The following RREB1 variants were observed in gnomAD, a reference collection of about 807,000 sequenced individuals.
RREB1 encodes ras-responsive element-binding protein 1.
RREB1 carries 27 observed loss-of-function variants against 117.8 expected under a neutral mutation model. That is an observed-to-expected ratio of 0.23 (90% CI 0.17 to 0.32). RREB1 has a LOEUF of 0.32. RREB1 is among the 10% of genes least tolerant of loss of function. The pLI, the probability that RREB1 is intolerant of heterozygous loss-of-function variation, is 1.00. For missense variants in RREB1, 2,577 were observed against 2,378.2 expected (o/e 1.08, Z -1.74); for synonymous variants, 1,298 against 1,026.7 (o/e 1.26, Z -5.05).
chr6:7,108,120 C>T (rs1760916115), intron 1 of RREB1, 60 bp downstream of exon 1: 7 of 152,274 alleles, frequency 4.6e-5, no homozygotes, highest in Admixed American at 4.6e-4. Flanking sequence ...AAGTCTGGGG[C>T]ACAGCCGGAG....
At position 7,182,606 on chromosome 6, in the gene RREB1, T is replaced by C. The variant is rs144704468; in HGVS notation, c.171+524T>C. On this transcript the variant is annotated intron_variant, in intron 4 of 12. Coordinates refer to ENST00000379938, the MANE Select transcript of RREB1 (RefSeq NM_001003699.4). Reference sequence around the variant, plus strand: ...AACAGGGTAAAGTAAATAGGTGGAATTGAGAAGGGTTAATGCTGTTACAAA... The same window carrying C: ...AACAGGGTAAAGTAAATAGGTGGAACTGAGAAGGGTTAATGCTGTTACAAA... Among the ~76,000 whole-genome samples, 30 of 152,324 alleles carry C rather than the reference T, an allele frequency of 2.0e-4. No homozygotes were observed. The East Asian group carries it at 5.6e-3, about 28-fold the overall frequency.
At chr6:7,164,553 GGT>G (rs1763831734) in intron 1 of RREB1, among the ~76,000 whole-genome samples, 1 of 152,178 alleles carries the variant, frequency 6.6e-6, no homozygotes, top group Non-Finnish European at 1.5e-5. Flanking sequence ...TCTGTCCACT[GGT>G]GTGTGAGTTC....
intron 1 of RREB1, among the ~76,000 whole-genome samples, chr6:7,109,608 C>T (rs1280176114): frequency 6.6e-6 from 1 of 152,242 alleles, no homozygotes; most frequent in Admixed American, 6.5e-5. Flanking sequence ...CGCCCCTCGG[C>T]CGCCGTGCAT....
At position 7,246,807 on chromosome 6, in the gene RREB1, T is replaced by C. The variant is rs1475858657; in HGVS notation, c.4357T>C (p.Cys1453Arg). ...GGAGCAGAAGCTCGCCTGCGACACC[T>C]GTGGGAAGAGCTTCAAGTTCCTGGG... ...SQEQKLACDT[C>R]GKSFKFLGTL... The change falls in exon 12 of 13, where the codon TGT becomes CGT. Residue 1453 changes from cysteine to arginine, a missense_variant. Cys to Arg is a radical substitution (Grantham distance 180). Transcript: ENST00000379938. 1.3e-6 allele frequency: 2 copies of C among 1,552,996 alleles called. 1 individual carries two copies.
intron 6 of RREB1, among the ~76,000 whole-genome samples, chr6:7,200,535 C>CT (rs1357819430): frequency 1.3e-5 from 2 of 152,136 alleles, no homozygotes; most frequent in Non-Finnish European, 2.9e-5. Context: ...TCCCAAAGTG[C>CT]TGGGATTACA....
chr6:7,158,380 T>C (rs1763485081), intron 1 of RREB1, among the ~76,000 whole-genome samples: 1 of 152,098 alleles, frequency 6.6e-6, no homozygotes, highest in Non-Finnish European at 1.5e-5. Flanking sequence ...TTCTTAAAAC[T>C]CTTACATCAC....
At chr6:7,108,298 G>T (rs1760931659) in intron 1 of RREB1, among the ~76,000 whole-genome samples, 2 of 150,750 alleles carry the variant, frequency 1.3e-5, no homozygotes, top group Non-Finnish European at 3.0e-5. Context: ...CTCTCCCCTC[G>T]GGCTGCGCGC....
At chr6:7,122,982 C>T (rs546994077) in intron 1 of RREB1, among the ~76,000 whole-genome samples, 142 of 152,294 alleles carry the variant, frequency 9.3e-4, no homozygotes, top group Non-Finnish European at 1.6e-3. Context: ...CACACATACT[C>T]TCTGTTGGGT....
At chr6:7,173,280 C>T (rs1764316672) in intron 1 of RREB1, among the ~76,000 whole-genome samples, 1 of 152,064 alleles carries the variant, frequency 6.6e-6, no homozygotes, top group African/African-American at 2.4e-5. Flanking sequence ...CCTCAGGAGG[C>T]TGGGGCGGTT....
At chr6:7,184,576 T>C (rs750759507) in intron 4 of RREB1, 4 of 152,006 alleles carry the variant, frequency 2.6e-5, no homozygotes, top group Non-Finnish European at 5.9e-5. Flanking sequence ...TTTTAAAAGA[T>C]TACATCTGGG....
At chr6:7,244,898 T>C (rs1342537717) in intron 11 of RREB1, among the ~76,000 whole-genome samples, 1 of 152,060 alleles carries the variant, frequency 6.6e-6, no homozygotes. Context: ...GCATGTGACA[T>C]TGAGGAGGTG....
intron 2 of RREB1, among the ~76,000 whole-genome samples, chr6:7,179,830 T>C (rs115801868): frequency 0.029 from 4,449 of 151,966 alleles, 163 homozygotes; most frequent in African/African-American, 0.083. Context: ...AAAAAATCTT[T>C]TGTAGAGATA....
At chr6:7,119,126 C>T (rs1194236301) in intron 1 of RREB1, among the ~76,000 whole-genome samples, 3 of 151,912 alleles carry the variant, frequency 2.0e-5, no homozygotes, top group Admixed American at 6.6e-5. Flanking sequence ...TGGTGGTTCA[C>T]GCCTGTAATC....
chr6:7,200,269 TGTGTGTGTGTG>T (rs1561776935), intron 6 of RREB1, among the ~76,000 whole-genome samples: 1 of 138,644 alleles, frequency 7.2e-6, no homozygotes, highest in African/African-American at 3.2e-5. Flanking sequence ...TGTGTGTGTG[TGTGTGTGTGTG>T]TATTTTTTTT....
intron 11 of RREB1, among the ~76,000 whole-genome samples, chr6:7,241,522 G>T (rs960068923): frequency 1.3e-5 from 2 of 152,174 alleles, no homozygotes; most frequent in Non-Finnish European, 2.9e-5. Flanking sequence ...GTTTTTTTAG[G>T]GTTGTATTTG....
chr6:7,186,247 C>T (rs1765076151), intron 4 of RREB1, among the ~76,000 whole-genome samples: 1 of 152,184 alleles, frequency 6.6e-6, no homozygotes, highest in Admixed American at 6.5e-5. Context: ...TCCTTGGGTT[C>T]AGCCCTACCT....
rs1261380184 is a variant in RREB1 at position 7,229,370 on chromosome 6, T to C, written c.1271T>C (p.Leu424Pro). The C allele has an allele frequency of 1.2e-6, 2 of 1,614,126 alleles. No individual in the cohort carries two copies. Among genetic ancestry groups the C allele is most frequent in the Non-Finnish European group, 1.7e-6 (2 of 1,179,992 alleles). The change falls in exon 10 of 13, where the codon CTC (leucine) becomes CCC (proline). Residue 424 changes from leucine (L) to proline (P), a missense_variant. Transcript: ENST00000379938. The surrounding 1 kb of genome is among the most constrained non-coding windows in gnomAD (Gnocchi z 4.5). ...GAAGCTGCTTCCCTAGGCGGTTCTC[T>C]CACAGTTCTCCCCGCGACCAAGGAC... ...PFEAASLGGS[L>P]TVLPATKDSI... is the part of the protein sequence containing the mutation.
chr6:7,224,015 A>G (rs1290832827), intron 8 of RREB1, among the ~76,000 whole-genome samples: 1 of 150,404 alleles, frequency 6.6e-6, no homozygotes, highest in Non-Finnish European at 1.5e-5. Context: ...AGGCTTAGTT[A>G]CAGTGCAGAT....
At chr6:7,119,784 ACCTGGCTAGAAGGAAGCAACTGTTTG>A (rs984581422) in intron 1 of RREB1, among the ~76,000 whole-genome samples, 1 of 152,312 alleles carries the variant, frequency 6.6e-6, no homozygotes, top group Admixed American at 6.5e-5. Flanking sequence ...TTGAGAATAG[ACCTGGCTAGAAGGAAGCAACTGTTTG>A]CCTTCTGTTT....
Sources: allele counts gnomAD v4.1 joint callset (sites outside exome capture counted in the v4.1 genomes callset), GRCh38; gene constraint gnomAD v4.1.1; non-coding constraint Gnocchi (gnomAD v3.1); transcripts MANE v1.5; gene names NCBI Gene and HGNC (gene_info 2026-07-23, HGNC 2026-07-21).